The following SMARCA1 variants were observed in gnomAD, a reference collection of about 807,000 sequenced individuals.
SMARCA1 encodes the protein SNF2 related chromatin remodeling ATPase 1, also known as SWI/SNF-related matrix-associated actin-dependent regulator of chromatin subfamily A member 1.
In SMARCA1, 17 loss-of-function variants were observed where a neutral mutation model predicts 93.6. That is an observed-to-expected ratio of 0.18 (90% CI 0.12 to 0.27). SMARCA1 has a LOEUF of 0.27. Ranked by LOEUF, SMARCA1 falls within the 10% of genes least tolerant of loss-of-function variation. SMARCA1 has a pLI of 1.00. For synonymous variants in SMARCA1, 271 were observed against 271.4 expected (o/e 1.00, Z 0.01); for missense variants, 630 against 819.0 (o/e 0.77, Z 2.82).
At chrX:129,472,378 T>C (rs1397768131) in intron 19 of SMARCA1, among the ~76,000 whole-genome samples, 1 of 111,416 alleles carries the variant, frequency 9.0e-6, no homozygotes. Flanking sequence ...CCTAGGGGCA[T>C]CAGGTAGTCA....
intron 23 of SMARCA1, among the ~76,000 whole-genome samples, chrX:129,453,509 C>A (rs1932419173): frequency 8.9e-6 from 1 of 112,200 alleles, no homozygotes; most frequent in African/African-American, 3.2e-5. Context: ...GTCAAATTGT[C>A]TGTTTGCAGA....
chrX:129,481,366 A>G, intron 17 of SMARCA1, among the ~76,000 whole-genome samples, 181 bp from the exon 18 acceptor site: 1 of 112,622 alleles, frequency 8.9e-6, no homozygotes, highest in East Asian at 2.8e-4. Context: ...CCAAGTTTAG[A>G]TGCAAAGACA....
chrX:129,517,050 T>C (rs1935226808), intron 2 of SMARCA1, among the ~76,000 whole-genome samples: 1 of 111,439 alleles, frequency 9.0e-6, no homozygotes, highest in African/African-American at 3.3e-5. Context: ...CATGGTATAG[T>C]AATGTAATAA....
intron 19 of SMARCA1, among the ~76,000 whole-genome samples, chrX:129,476,756 T>C (rs1368373701): frequency 8.9e-6 from 1 of 111,839 alleles, no homozygotes; most frequent in African/African-American, 3.3e-5. Flanking sequence ...TTTCTGAAGG[T>C]GCAAGGGGGA....
chrX:129,469,711 G>A (rs1448527356), intron 20 of SMARCA1, among the ~76,000 whole-genome samples: 1 of 111,332 alleles, frequency 9.0e-6, no homozygotes, highest in Non-Finnish European at 1.9e-5. Context: ...CAGCAGAGAA[G>A]GACAAAAATG....
intron 19 of SMARCA1, among the ~76,000 whole-genome samples, chrX:129,480,417 A>ATTCT (rs1259141508): frequency 4.4e-5 from 5 of 112,401 alleles, no homozygotes; most frequent in African/African-American, 1.6e-4. Context: ...CTCTCTACAT[A>ATTCT]TTCTTTAACT....
intron 6 of SMARCA1, among the ~76,000 whole-genome samples, chrX:129,511,434 G>A (rs1250202104): frequency 8.9e-6 from 1 of 111,849 alleles, no homozygotes; most frequent in Non-Finnish European, 1.9e-5. Flanking sequence ...TTTATATATT[G>A]TTGGCTTCAA....
chrX:129,515,709 T>C lies in SMARCA1; in HGVS notation c.608A>G (p.Asn203Ser), dbSNP rs753408575. ...WLISLYENGVNGILADEMGLG... is the reference protein window; with the variant it reads ...WLISLYENGVSGILADEMGLG... ...TACCATTTCATCAGCCAAAATGCCA[T>C]TGACTCCATTTTCATATAAAGAGAT... Residue 203 changes from asparagine (N) to serine (S), a missense_variant, in exon 5 of 25, where the codon AAT (asparagine) becomes AGT (serine). Around this residue, in one of 4 missense-constraint regions of SMARCA1, gnomAD observed 382 missense variants for 537.9 expected, o/e 0.71. Transcript: ENST00000371121. The C allele has an allele frequency of 5.9e-6, 7 of 1,195,330 alleles. No individual in the cohort carries two copies. The highest frequency in any genetic ancestry group is 7.9e-6 in the Non-Finnish European group (7 of 880,595).
rs746082556 is a variant in SMARCA1, at chrX:129,511,838, C to T, written c.776G>A (p.Arg259His). The change falls in exon 6 of 25, where the codon CGT becomes CAT. Residue 259 changes from arginine to histidine, a missense_variant. Physicochemically the swap from Arg to His is conservative, Grantham distance 29 (BLOSUM62 0). This residue lies in a region of SMARCA1 where 382 missense variants were observed against 537.9 expected (regional missense o/e 0.71). Transcript: ENST00000371121. ...CTTGTCTCCGACAAAACAAATGACA[C>T]GGAGAGATGGGACCCATCGTTTAAA... ...NEFKRWVPSL[R>H]VICFVGDKDA... 1.6e-5 allele frequency: 19 copies of T among 1,198,807 alleles called. No homozygotes were observed. The highest frequency in any genetic ancestry group is 6.0e-5 in the East Asian group (2 of 33,420).
rs899514621 is a variant in SMARCA1 at position 129,473,345 on chromosome X, T to G, written c.2443-2019A>C. Among the ~76,000 whole-genome samples the G allele has an allele frequency of 4.5e-5, 5 of 111,516 alleles. 1 individual carries two copies. Among genetic ancestry groups the G allele is most frequent in the Admixed American group, 1.9e-4 (2 of 10,440 alleles). On this transcript the variant is annotated intron_variant, in intron 19 of 24. Transcript: ENST00000371121. ...TGGTGGCAAATGGAAATGGAAAAGG[T>G]GTACATTTAAAATGAAATGTAGCCC...
chrX:129,458,186 A>C (rs1054964125), intron 23 of SMARCA1, among the ~76,000 whole-genome samples: 2 of 112,409 alleles, frequency 1.8e-5, no homozygotes, highest in Non-Finnish European at 3.8e-5. Context: ...AGAAAATGTT[A>C]CTTATGAACC....
At chrX:129,473,104 A>G (rs1304145702) in intron 19 of SMARCA1, among the ~76,000 whole-genome samples, 1 of 111,583 alleles carries the variant, frequency 9.0e-6, no homozygotes, top group Non-Finnish European at 1.9e-5. Flanking sequence ...TTGAAAAGAG[A>G]TAAGAAACAA....
intron 7 of SMARCA1, 81 bp downstream of exon 7, chrX:129,507,859 AT>A: frequency 1.5e-6 from 1 of 658,930 alleles, no homozygotes; most frequent in Non-Finnish European, 2.2e-6. Context: ...CTGTTCCATC[AT>A]TTTTTATTCT....
chrX:129,515,048 C>G (rs763639307), intron 5 of SMARCA1, among the ~76,000 whole-genome samples: 8 of 110,088 alleles, frequency 7.3e-5, no homozygotes, highest in African/African-American at 2.3e-4. Flanking sequence ...GACTCCATCT[C>G]AAAAAATTTT....
chrX:129,490,694 G>A (rs777367189), intron 14 of SMARCA1, among the ~76,000 whole-genome samples: 1 of 111,332 alleles, frequency 9.0e-6, no homozygotes, highest in Non-Finnish European at 1.9e-5. Flanking sequence ...AGTTGGTACA[G>A]GTGACAGGTG....
At chrX:129,469,046 T>G (rs946015696) in intron 20 of SMARCA1, 141 bp from the exon 21 acceptor site, 2 of 361,902 alleles carry the variant, frequency 5.5e-6, no homozygotes, top group Admixed American at 5.8e-5. Flanking sequence ...TGCACATATT[T>G]TATGTTGGAA....
chrX:129,478,831 T>C (rs774140229), intron 19 of SMARCA1, among the ~76,000 whole-genome samples: 2 of 111,856 alleles, frequency 1.8e-5, no homozygotes, highest in African/African-American at 3.2e-5. Flanking sequence ...TGCCACACCA[T>C]TGTAAACACA....
Position 129,523,448 on chromosome X carries a change from A to C in SMARCA1, c.-78T>G. 1 of 848,197 alleles carries C rather than the reference A, an allele frequency of 1.2e-6. No individual in the cohort carries two copies. The highest frequency in any genetic ancestry group is 1.6e-6 in the Non-Finnish European group (1 of 611,575). The allele number at this position is 848,197 out of a possible 1,213,427, so 69.9% of individuals were successfully genotyped here. ...GGCGGCGGCAGTGGCTGCACTGGAA[A>C]GAGCTAGATGGAGCAGGGGTGGGGA... is the stretch of plus-strand genomic sequence containing the variant. On this transcript the variant is annotated 5_prime_UTR_variant, in exon 1 of 25. Transcript: ENST00000371121.
At chrX:129,511,776 T>G (rs1203288432) in intron 6 of SMARCA1, 28 bp downstream of exon 6, 2 of 1,128,502 alleles carry the variant, frequency 1.8e-6, no homozygotes, top group Non-Finnish European at 2.4e-6. Flanking sequence ...TATTCTTAAC[T>G]GCCTTTTTAC....
Sources: allele counts gnomAD v4.1 joint callset (sites outside exome capture counted in the v4.1 genomes callset), GRCh38; gene constraint gnomAD v4.1.1; regional missense constraint gnomAD v4.1.1; transcripts MANE v1.5; gene names NCBI Gene and HGNC (gene_info 2026-07-23, HGNC 2026-07-21).